Variants in RAP1GAP2 observed in about 807,000 individuals in gnomAD.
RAP1GAP2 encodes the protein RAP1 GTPase activating protein 2.
RAP1GAP2 carries 27 observed loss-of-function variants against 95.0 expected under a neutral mutation model. The observed-to-expected ratio is 0.28, with a 90% confidence interval of 0.21 to 0.39. The LOEUF (loss-of-function observed/expected upper bound fraction) is 0.39. RAP1GAP2 is among the 10% of genes least tolerant of loss of function. RAP1GAP2 has a pLI of 1.00. For missense variants in RAP1GAP2, 771 were observed against 970.0 expected, an observed-to-expected ratio of 0.79 and a Z score of 2.72; for synonymous variants, 373 against 380.9, an observed-to-expected ratio of 0.98 and a Z score of 0.24.
chr17:2,805,754 A>ATGTGTGTG (rs71377539), intron 2 of RAP1GAP2, among the ~76,000 whole-genome samples: 13 of 150,194 alleles, frequency 8.7e-5, no homozygotes, highest in South Asian at 2.1e-4. Context: ...AGATGCGTGT[A>ATGTGTGTG]TGTGTGTGTG....
At position 2,903,330 on chromosome 17, in the gene RAP1GAP2, G is replaced by A. The variant is rs867389917; in HGVS notation, c.81-1954G>A. ...TGGGAGAGGGCCAGGTGGAGGAGGC[G>A]GTGAGCCTGTGCTGGACCCAGCTCT... On this transcript the variant is annotated intron_variant, in intron 2 of 24. Coordinates refer to ENST00000254695, the MANE Select transcript of RAP1GAP2 (RefSeq NM_015085.5). The surrounding 1 kb of genome is among the most constrained non-coding windows in gnomAD (Gnocchi z 4.1). 2.0e-5 allele frequency among the ~76,000 whole-genome samples: 3 copies of A among 152,172 alleles called. No individual in the cohort carries two copies. Among genetic ancestry groups the A allele is most frequent in the Non-Finnish European group, 4.4e-5 (3 of 68,022 alleles).
At chr17:2,889,575 A>G (rs1032985152) in intron 2 of RAP1GAP2, among the ~76,000 whole-genome samples, 1 of 151,958 alleles carries the variant, frequency 6.6e-6, no homozygotes, top group Non-Finnish European at 1.5e-5. Context: ...AGATTCCAGT[A>G]TGCCCCTGGA....
intron 1 of RAP1GAP2, among the ~76,000 whole-genome samples, chr17:2,756,396 C>G (rs1300059791): frequency 6.6e-6 from 1 of 152,218 alleles, no homozygotes; most frequent in Non-Finnish European, 1.5e-5. Context: ...CCTGCGGTGT[C>G]AGGTTACCGG....
rs1042889977 is a variant in RAP1GAP2, at chr17:2,904,528, G to A, written c.81-756G>A. Among the ~76,000 whole-genome samples, 1 of 139,446 alleles carries A rather than the reference G, an allele frequency of 7.2e-6. No homozygotes were observed. The highest frequency in any genetic ancestry group is 2.8e-5 in the African/African-American group (1 of 36,306). 91.5% of individuals were successfully genotyped at this position (139,446 alleles called of 152,430 possible). A position where few individuals can be genotyped will look rare whatever the true frequency, so the allele number is the denominator to read the frequency against. ...TCCCGAGGACAGCTTTTTGACCAGGGCCTGTGTGTGTGTGTGTGTGTGTGT... is the reference window on the plus strand; with the variant it reads ...TCCCGAGGACAGCTTTTTGACCAGGACCTGTGTGTGTGTGTGTGTGTGTGT... On this transcript the variant is annotated intron_variant, in intron 2 of 24. Transcript: ENST00000254695. This position sits in a 1 kb window ranked among gnomAD's most constrained non-coding sequence, Gnocchi z 4.7.
intron 3 of RAP1GAP2, among the ~76,000 whole-genome samples, chr17:2,955,272 C>T (rs1303917700): frequency 6.6e-6 from 1 of 152,186 alleles, no homozygotes; most frequent in Non-Finnish European, 1.5e-5. Context: ...TCTGATTTCT[C>T]CACAGCCTTG....
At chr17:2,776,857 G>GGAC (rs1418460436), upstream of RAP1GAP2, among the ~76,000 whole-genome samples, 2 of 151,572 alleles carry the variant, frequency 1.3e-5, no homozygotes, top group Admixed American at 1.3e-4. Flanking sequence ...AGGAGGAGGA[G>GGAC]GGGGCTGGGC....
At chr17:2,923,030 C>CCA (rs2151771220) in intron 3 of RAP1GAP2, among the ~76,000 whole-genome samples, 1 of 145,852 alleles carries the variant, frequency 6.9e-6, no homozygotes, top group East Asian at 2.0e-4. Flanking sequence ...CGTCCACCAC[C>CCA]ACACCTGGCT....
At chr17:2,861,655 G>C (rs1049998687) in intron 2 of RAP1GAP2, among the ~76,000 whole-genome samples, 27 of 150,716 alleles carry the variant, frequency 1.8e-4, no homozygotes, top group Non-Finnish European at 2.7e-4. Flanking sequence ...TTTTTTGGGG[G>C]GGGGGACGGA....
At chr17:2,872,622 G>A (rs182738378) in intron 2 of RAP1GAP2, among the ~76,000 whole-genome samples, 28 of 152,140 alleles carry the variant, frequency 1.8e-4, no homozygotes, top group African/African-American at 6.5e-4. Context: ...GCTTCCTTTT[G>A]TTAGGGTTTG....
At chr17:2,969,496 CTTTTTTTTT>C (rs34468461) in intron 8 of RAP1GAP2, among the ~76,000 whole-genome samples, 16 of 83,784 alleles carry the variant, frequency 1.9e-4, no homozygotes, top group African/African-American at 5.5e-4. Context: ...TATATATATT[CTTTTTTTTT>C]TTTTTTTTTT....
chr17:2,983,821 C>G (rs929653013), intron 10 of RAP1GAP2, among the ~76,000 whole-genome samples: 2 of 152,146 alleles, frequency 1.3e-5, no homozygotes, highest in African/African-American at 2.4e-5. Context: ...CTTTTTATTG[C>G]TGAGGTTATC....
Position 2,963,007 on chromosome 17 carries a change from A to G in RAP1GAP2, c.246+293A>G. The G allele has an allele frequency of 1.9e-6, 1 of 535,874 alleles. No individual in the cohort carries two copies. The highest frequency in any genetic ancestry group is 3.5e-5 in the Admixed American group (1 of 28,800). The allele number at this position is 535,874 out of a possible 1,614,324, so 33.2% of individuals were successfully genotyped here. On this transcript the variant is annotated intron_variant, in intron 5 of 24. Coordinates refer to ENST00000254695, the MANE Select transcript of RAP1GAP2 (RefSeq NM_015085.5). This position sits in a 1 kb window ranked among gnomAD's most constrained non-coding sequence, Gnocchi z 4.8. ...TCTTCCCTACCCTGTGCAGTGTGTA[A>G]GGGTGTCAGGCTCTGTGCCCCGGGT...
chr17:2,837,674 T>TTGGCTCACTGCAAGCTCTGCCTC (rs1288769935), intron 2 of RAP1GAP2, among the ~76,000 whole-genome samples: 61 of 151,180 alleles, frequency 4.0e-4, no homozygotes, highest in Non-Finnish European at 8.1e-4. Flanking sequence ...TGGCGTGACC[T>TTGGCTCACTGCAAGCTCTGCCTC]TGGCTCACTG....
chr17:3,026,478 G>A lies in RAP1GAP2; in HGVS notation c.1980+14G>A, dbSNP rs1378299314. 1.0e-5 allele frequency: 16 copies of A among 1,530,738 alleles called. No individual in the cohort carries two copies. Among genetic ancestry groups the A allele is most frequent in the South Asian group, 3.7e-5 (3 of 82,134 alleles). 94.8% of individuals were successfully genotyped at this position (1,530,738 alleles called of 1,614,324 possible). A position where few individuals can be genotyped will look rare whatever the true frequency, so the allele number is the denominator to read the frequency against. On this transcript the variant is annotated intron_variant, in intron 21 of 24. Coordinates refer to ENST00000254695, the MANE Select transcript of RAP1GAP2 (RefSeq NM_015085.5). ...GGCGACAGTGGGGTAGGTGTGCCCC[G>A]TCCACCCTTGGGCAGGCACTCTGGG...
intron 11 of RAP1GAP2, among the ~76,000 whole-genome samples, chr17:2,985,538 A>G (rs183436896): frequency 1.2e-4 from 19 of 152,308 alleles, no homozygotes; most frequent in African/African-American, 4.3e-4. Context: ...GAAGTCAACC[A>G]TGGTGGAAGT....
chr17:2,891,827 T>TC (rs1370867174), intron 2 of RAP1GAP2, among the ~76,000 whole-genome samples: 1 of 130,722 alleles, frequency 7.6e-6, no homozygotes, highest in Non-Finnish European at 1.6e-5. Flanking sequence ...TTTTTTTTTT[T>TC]TTTTTTTTTT....
upstream of RAP1GAP2, among the ~76,000 whole-genome samples, chr17:2,776,377 C>A (rs370509996): frequency 5.6e-4 from 86 of 152,306 alleles, 2 homozygotes; most frequent in African/African-American, 2.0e-3. Context: ...GCCCCCATTG[C>A]CCCCATTGCA....
chr17:2,942,095 G>C (rs1189985977), intron 3 of RAP1GAP2, among the ~76,000 whole-genome samples: 7 of 152,174 alleles, frequency 4.6e-5, no homozygotes, highest in African/African-American at 1.4e-4. Context: ...TGTCAGACAT[G>C]CACGTGAGAT....
chr17:2,876,611 C>T (rs184495187), intron 2 of RAP1GAP2, among the ~76,000 whole-genome samples: 35 of 152,232 alleles, frequency 2.3e-4, no homozygotes, highest in Non-Finnish European at 4.1e-4. Flanking sequence ...ATGCGGGTGA[C>T]GCCTCCAGGT....
Sources: allele counts gnomAD v4.1 joint callset (sites outside exome capture counted in the v4.1 genomes callset), GRCh38; gene constraint gnomAD v4.1.1; non-coding constraint Gnocchi (gnomAD v3.1); transcripts MANE v1.5; gene names NCBI Gene and HGNC (gene_info 2026-07-23, HGNC 2026-07-21).